SH3PXD2A: variants seen among roughly 807,000 people sequenced by gnomAD.
The protein encoded by SH3PXD2A is SH3 and PX domain-containing protein 2A.
SH3PXD2A carries 32 observed loss-of-function variants against 115.2 expected under a neutral mutation model. The ratio of observed to expected loss-of-function variants is 0.28; its 90% confidence interval spans 0.21 to 0.37. SH3PXD2A has a LOEUF of 0.37. SH3PXD2A is among the 10% of genes least tolerant of loss of function. The pLI, the probability that SH3PXD2A is intolerant of heterozygous loss-of-function variation, is 1.00. For synonymous variants in SH3PXD2A, 610 were observed against 629.1 expected (o/e 0.97, Z 0.45); for missense variants, 1,328 against 1,498.7 (o/e 0.89, Z 1.88).
At chr10:103,773,486 C>T (rs2038850570) in intron 2 of SH3PXD2A, among the ~76,000 whole-genome samples, 1 of 150,632 alleles carries the variant, frequency 6.6e-6, no homozygotes, top group African/African-American at 2.4e-5. Context: ...GTTGCCCAGG[C>T]TGCAGTGCAG....
Position 103,605,872 on chromosome 10 carries a change from C to G in SH3PXD2A, c.1354G>C (p.Glu452Gln), listed in dbSNP as rs757439029. ...KPPEPPSVEVEYYTIAEFQSC... is the reference protein window; with the variant it reads ...KPPEPPSVEVQYYTIAEFQSC... ...TGGAATTCGGCAATGGTGTAGTACT[C>G]CACCTCAACAGAAGGGGGCTCTGGT... Residue 452 changes from glutamate to glutamine, a missense_variant, in exon 14 of 15, where the codon GAG becomes CAG. Coordinates refer to ENST00000369774, the MANE Select transcript of SH3PXD2A (RefSeq NM_001394015.1). The G allele has an allele frequency of 6.2e-7, 1 of 1,612,342 alleles. No individual in the cohort carries two copies. The highest frequency in any genetic ancestry group is 8.5e-7 in the Non-Finnish European group (1 of 1,178,338).
chr10:103,657,768 A>C (rs1411522946), intron 8 of SH3PXD2A, among the ~76,000 whole-genome samples: 1 of 152,228 alleles, frequency 6.6e-6, no homozygotes, highest in Non-Finnish European at 1.5e-5. Context: ...TCAATGGATC[A>C]ATGAACAACA....
chr10:103,691,763 GC>G (rs2037754638), intron 6 of SH3PXD2A, among the ~76,000 whole-genome samples: 1 of 151,746 alleles, frequency 6.6e-6, no homozygotes. Context: ...CACACCCCCA[GC>G]CTATGCACCC....
At chr10:103,640,581 ATCAGCAATCG>A (rs1319396943) in intron 8 of SH3PXD2A, among the ~76,000 whole-genome samples, 1 of 152,208 alleles carries the variant, frequency 6.6e-6, no homozygotes, top group African/African-American at 2.4e-5. Flanking sequence ...TCCAGTCATC[ATCAGCAATCG>A]TGGGAGACAT....
chr10:103,661,707 CGGCCCA>C, intron 7 of SH3PXD2A: 1 of 985,328 alleles, frequency 1.0e-6, no homozygotes, highest in Non-Finnish European at 1.2e-6. Flanking sequence ...AGCTTCTCCA[CGGCCCA>C]GGCCCAGGCG....
intron 8 of SH3PXD2A, among the ~76,000 whole-genome samples, chr10:103,650,223 C>A (rs955269165): frequency 6.6e-6 from 1 of 152,138 alleles, no homozygotes; most frequent in African/African-American, 2.4e-5. Flanking sequence ...CCTGCTCCCC[C>A]TCCTCCCCTC....
At chr10:103,632,347 C>A (rs1261188542) in intron 8 of SH3PXD2A, among the ~76,000 whole-genome samples, 1 of 152,196 alleles carries the variant, frequency 6.6e-6, no homozygotes, top group Admixed American at 6.5e-5. Flanking sequence ...TGAGCCACAT[C>A]CAGGGGTTCA....
rs560349944 is a variant in SH3PXD2A, at chr10:103,753,412, C to T, written c.229+13682G>A. 2.1e-5 allele frequency among the ~76,000 whole-genome samples: 3 copies of T among 143,850 alleles called. No individual in the cohort carries two copies. The East Asian group carries it at 6.2e-4, about 30-fold the overall frequency. 94.4% of individuals were successfully genotyped at this position (143,850 alleles called of 152,430 possible). A position where few individuals can be genotyped will look rare whatever the true frequency, so the allele number is the denominator to read the frequency against. Reference sequence around the variant, plus strand: ...TTGGGAGGCTGAGGCAGGAGAATTGCTTGAACCCAGGAGGCAGAGGTTGCA... The same window carrying T: ...TTGGGAGGCTGAGGCAGGAGAATTGTTTGAACCCAGGAGGCAGAGGTTGCA... On this transcript the variant is annotated intron_variant, in intron 3 of 14. Coordinates refer to ENST00000369774, the MANE Select transcript of SH3PXD2A (RefSeq NM_001394015.1).
chr10:103,739,749 T>C (rs1032025946), intron 3 of SH3PXD2A, among the ~76,000 whole-genome samples: 1 of 152,190 alleles, frequency 6.6e-6, no homozygotes, highest in African/African-American at 2.4e-5. Flanking sequence ...GCACGGGGCA[T>C]GAGACAGACC....
At chr10:103,664,702 T>G (rs2037361248) in intron 7 of SH3PXD2A, among the ~76,000 whole-genome samples, 1 of 150,124 alleles carries the variant, frequency 6.7e-6, no homozygotes, top group Admixed American at 6.7e-5. Flanking sequence ...AGTCTTGCTC[T>G]GTCGCCCAGG....
chr10:103,731,342 G>A (rs1401424584), intron 4 of SH3PXD2A, among the ~76,000 whole-genome samples: 1 of 151,720 alleles, frequency 6.6e-6, no homozygotes, highest in African/African-American at 2.4e-5. Context: ...TGTATTTTTT[G>A]TAGAGACAGG....
chr10:103,739,377 TC>T (rs2038417978), intron 3 of SH3PXD2A, among the ~76,000 whole-genome samples: 1 of 152,116 alleles, frequency 6.6e-6, no homozygotes, highest in South Asian at 2.1e-4. Flanking sequence ...CAATGGGGCT[TC>T]CCCCTTTCCC....
chr10:103,837,314 C>G (rs539958523), intron 1 of SH3PXD2A, among the ~76,000 whole-genome samples: 1 of 152,178 alleles, frequency 6.6e-6, no homozygotes, highest in African/African-American at 2.4e-5. Context: ...GAGTCCCAGA[C>G]AGAGGTTTTC....
intron 1 of SH3PXD2A, among the ~76,000 whole-genome samples, chr10:103,822,571 C>T (rs2039392280): frequency 6.6e-6 from 1 of 152,240 alleles, no homozygotes; most frequent in African/African-American, 2.4e-5. Context: ...CACTTTCATG[C>T]CTGTTAACGA....
At chr10:103,669,931 A>G (rs568124266) in intron 6 of SH3PXD2A, among the ~76,000 whole-genome samples, 2 of 152,376 alleles carry the variant, frequency 1.3e-5, no homozygotes, top group South Asian at 4.1e-4. Context: ...CAACAAACCT[A>G]CAACGATGAG....
intron 5 of SH3PXD2A, among the ~76,000 whole-genome samples, chr10:103,724,012 T>C (rs2038211698): frequency 6.6e-6 from 1 of 151,994 alleles, no homozygotes. Context: ...CCAGAAAGAG[T>C]TTGTAGGAAA....
intron 3 of SH3PXD2A, among the ~76,000 whole-genome samples, chr10:103,743,100 C>A (rs903726263): frequency 1.3e-5 from 2 of 152,148 alleles, no homozygotes; most frequent in Non-Finnish European, 2.9e-5. Flanking sequence ...GCTGGACCAG[C>A]CAAGGATCCC....
chr10:103,760,639 G>A (rs1246884181), intron 3 of SH3PXD2A, among the ~76,000 whole-genome samples: 1 of 150,860 alleles, frequency 6.6e-6, no homozygotes, highest in Non-Finnish European at 1.5e-5. Flanking sequence ...TACAATATAT[G>A]TATATAAAAT....
At chr10:103,800,430 A>G (rs1417601971) in intron 2 of SH3PXD2A, among the ~76,000 whole-genome samples, 1 of 152,242 alleles carries the variant, frequency 6.6e-6, no homozygotes, top group African/African-American at 2.4e-5. Flanking sequence ...AGCTGCTGAC[A>G]GCCATATTCC....
Sources: gnomAD v4.1 joint callset for allele counts (sites outside exome capture counted in the v4.1 genomes callset) on GRCh38, gnomAD v4.1.1 for gene constraint, MANE v1.5 for transcripts, NCBI Gene and HGNC (gene_info 2026-07-23, HGNC 2026-07-21) for gene names.